Variants in ARHGAP15 observed in about 807,000 individuals in gnomAD.
ARHGAP15 encodes the protein Rho GTPase activating protein 15, also known as rho GTPase-activating protein 15.
In ARHGAP15, 51 loss-of-function variants were observed where a neutral mutation model predicts 63.7. That is an observed-to-expected ratio of 0.80 (90% confidence interval 0.64 to 1.01). The LOEUF is 1.01. ARHGAP15 is among the 50% of genes least tolerant of loss of function. The probability of loss-of-function intolerance (pLI) is 0.00; values close to 1 mark genes in which losing one functional copy is unlikely to be tolerated. For synonymous variants in ARHGAP15, 191 were observed against 193.8 expected, an observed-to-expected ratio of 0.99 and a Z score of 0.12; for missense variants, 560 against 564.6, an observed-to-expected ratio of 0.99 and a Z score of 0.08.
intron 8 of ARHGAP15, among the ~76,000 whole-genome samples, chr2:143,456,549 TA>T (rs1196040722): frequency 6.6e-6 from 1 of 151,990 alleles, no homozygotes; most frequent in East Asian, 1.9e-4. Flanking sequence ...CAGTATGAAT[TA>T]AAAAAATAAA....
chr2:143,425,348 T>G (rs2381455), intron 6 of ARHGAP15, among the ~76,000 whole-genome samples: 36,982 of 151,542 alleles, frequency 0.24, 5,353 homozygotes, highest in East Asian at 0.63. Context: ...TCTTTATATA[T>G]AGAGAGAAAT....
At position 143,635,116 on chromosome 2, in the gene ARHGAP15, A is replaced by G. The variant is rs1435880806; in HGVS notation, c.1138+10849A>G. On this transcript the variant is annotated intron_variant, in intron 12 of 13. Coordinates refer to ENST00000295095, the MANE Select transcript of ARHGAP15 (RefSeq NM_018460.4). Reference sequence around the variant, plus strand: ...TTTCACTTTTTCTTTCAGTTGCCACACAATACTCTAGCTTTGAAAGGTAGA... The same window carrying G: ...TTTCACTTTTTCTTTCAGTTGCCACGCAATACTCTAGCTTTGAAAGGTAGA... Among the ~76,000 whole-genome samples the G allele has an allele frequency of 2.6e-5, 4 of 151,164 alleles. 1 individual carries two copies. Among genetic ancestry groups the G allele is most frequent in the Admixed American group, 2.6e-4 (4 of 15,146 alleles).
chr2:143,296,787 A>G (rs1377146552), intron 6 of ARHGAP15, among the ~76,000 whole-genome samples: 1 of 151,716 alleles, frequency 6.6e-6, no homozygotes, highest in Non-Finnish European at 1.5e-5. Flanking sequence ...TATTAAGCCC[A>G]GTACCCAATA....
Position 143,556,630 on chromosome 2 carries a change from G to C in ARHGAP15, c.1003+145G>C, listed in dbSNP as rs866901515. On this transcript the variant is annotated intron_variant, in intron 11 of 13. Transcript: ENST00000295095. The stretch of plus-strand genomic sequence containing the variant: ...AAGAAATTTAAAAATTATCAGAAAA[G>C]TAAAAGATAACCAACTAGTTTATCT... 87 of 567,992 alleles carry C rather than the reference G, an allele frequency of 1.5e-4. 1 individual carries two copies. The highest frequency in any genetic ancestry group is 3.8e-4 in the South Asian group (11 of 29,226). 35.2% of individuals were successfully genotyped at this position (567,992 alleles called of 1,614,324 possible).
intron 13 of ARHGAP15, among the ~76,000 whole-genome samples, chr2:143,751,957 G>A (rs901811925): frequency 1.3e-5 from 2 of 152,188 alleles, no homozygotes. Context: ...GAAAGCAACA[G>A]TAGCTTAGAA....
chr2:143,299,195 A>G (rs1457577452), intron 6 of ARHGAP15, among the ~76,000 whole-genome samples: 1 of 151,970 alleles, frequency 6.6e-6, no homozygotes, highest in Non-Finnish European at 1.5e-5. Flanking sequence ...CTTATCCATT[A>G]TGAAACATAC....
intron 9 of ARHGAP15, among the ~76,000 whole-genome samples, chr2:143,513,227 C>T (rs1559020502): frequency 6.6e-6 from 1 of 152,164 alleles, no homozygotes; most frequent in African/African-American, 2.4e-5. Flanking sequence ...ACACCAATGG[C>T]AGTTTTTCCC....
At chr2:143,507,864 C>G (rs1693393402) in intron 9 of ARHGAP15, among the ~76,000 whole-genome samples, 1 of 152,142 alleles carries the variant, frequency 6.6e-6, no homozygotes, top group Non-Finnish European at 1.5e-5. Context: ...AATTCAACCA[C>G]TTTTGATTAC....
At position 143,703,450 on chromosome 2, in the gene ARHGAP15, T is replaced by C; in HGVS notation, c.1170T>C (p.Ala390=). 6.2e-7 allele frequency: 1 copy of C among 1,611,858 alleles called. No homozygotes were observed. Among genetic ancestry groups the C allele is most frequent in the Non-Finnish European group, 8.5e-7 (1 of 1,179,222 alleles). ...AAGACAACAACACAAGAATTGAAGC[T>C]GTAAAATCTCTTGTACAAAAACTCC... is the stretch of plus-strand genomic sequence containing the variant. The part of the protein sequence containing the change: ...KKQDNNTRIE[A]VKSLVQKLPP... Residue 390 remains alanine (A), a synonymous_variant, in exon 13 of 14, where the codon GCT becomes GCC. Transcript: ENST00000295095.
intron 6 of ARHGAP15, among the ~76,000 whole-genome samples, chr2:143,323,785 C>T (rs748025112): frequency 1.3e-5 from 2 of 149,904 alleles, no homozygotes; most frequent in South Asian, 2.2e-4. Context: ...TACTCCTACT[C>T]GGGAGGCTGA....
intron 6 of ARHGAP15, among the ~76,000 whole-genome samples, chr2:143,346,212 ACT>A (rs879897795): frequency 0.015 from 2,081 of 135,222 alleles, 51 homozygotes; most frequent in African/African-American, 0.053. Context: ...TCACACACAC[ACT>A]CTCTCTCACA....
chr2:143,177,471 T>C (rs1691053643), intron 2 of ARHGAP15, among the ~76,000 whole-genome samples: 1 of 73,968 alleles, frequency 1.4e-5, no homozygotes, highest in Non-Finnish European at 3.2e-5. Context: ...ACTAAAAGTT[T>C]TGACAACAGA....
chr2:143,147,889 C>A (rs1191610628), intron 1 of ARHGAP15, among the ~76,000 whole-genome samples: 1 of 151,982 alleles, frequency 6.6e-6, no homozygotes, highest in Non-Finnish European at 1.5e-5. Context: ...AAGCATCCCA[C>A]GAGCATGTTA....
At chr2:143,589,683 A>G (rs933641776) in intron 11 of ARHGAP15, among the ~76,000 whole-genome samples, 3 of 152,160 alleles carry the variant, frequency 2.0e-5, no homozygotes, top group Non-Finnish European at 2.9e-5. Flanking sequence ...TCTTTTCAAC[A>G]AACATCAATC....
intron 13 of ARHGAP15, among the ~76,000 whole-genome samples, chr2:143,710,963 C>T (rs1559138848): frequency 6.6e-6 from 1 of 152,320 alleles, no homozygotes; most frequent in East Asian, 1.9e-4. Flanking sequence ...CAGGAAGTCT[C>T]AAATGAGTGC....
chr2:143,241,666 C>T (rs1693867818), intron 5 of ARHGAP15, among the ~76,000 whole-genome samples: 1 of 152,192 alleles, frequency 6.6e-6, no homozygotes, highest in Admixed American at 6.5e-5. Flanking sequence ...AATGACAACA[C>T]AAGGCACTTG....
intron 10 of ARHGAP15, among the ~76,000 whole-genome samples, chr2:143,532,468 C>A (rs1379659508): frequency 6.6e-6 from 1 of 152,128 alleles, no homozygotes; most frequent in East Asian, 1.9e-4. Context: ...AGTAAGGTTT[C>A]TTTTCACAAG....
chr2:143,732,920 T>TC (rs1205063307), intron 13 of ARHGAP15, among the ~76,000 whole-genome samples: 1 of 149,710 alleles, frequency 6.7e-6, no homozygotes, highest in African/African-American at 2.4e-5. Context: ...GTTTTTTTTT[T>TC]TTTTTTTTTT....
At chr2:143,623,147 G>T (rs948530440) in intron 11 of ARHGAP15, among the ~76,000 whole-genome samples, 1 of 152,168 alleles carries the variant, frequency 6.6e-6, no homozygotes, top group Non-Finnish European at 1.5e-5. Context: ...AAGACAAATC[G>T]TCTGGCTCGA....
Sources: allele counts gnomAD v4.1 joint callset (sites outside exome capture counted in the v4.1 genomes callset), GRCh38; gene constraint gnomAD v4.1.1; transcripts MANE v1.5; gene names NCBI Gene and HGNC (gene_info 2026-07-23, HGNC 2026-07-21).